The following INSL6 variants were observed in gnomAD, a reference collection of about 807,000 sequenced individuals.
INSL6 encodes insulin-like peptide INSL6.
Under a neutral mutation model 9.4 loss-of-function variants are expected in INSL6, and 16 were observed. The observed-to-expected ratio is 1.70, with a 90% CI of 1.15 to 2.59. The LOEUF (loss-of-function observed/expected upper bound fraction) is 2.59, where lower values mean the gene tolerates loss of function less well. Ranked by LOEUF, INSL6 falls within the 30% of genes most tolerant of loss-of-function variation. The pLI is 0.00. For missense variants in INSL6, 391 were observed against 257.3 expected, an observed-to-expected ratio of 1.52 and a Z score of -3.56; for synonymous variants, 154 against 96.9, an observed-to-expected ratio of 1.59 and a Z score of -3.46.
At chr9:5,081,062 A>G in the INSL6 span, among the ~76,000 whole-genome samples, 15 of 151,396 alleles carry the variant, frequency 9.9e-5, no homozygotes, top group African/African-American at 3.6e-4. Context: ...CACCCGGCTA[A>G]TTTTTTGTAT....
chr9:5,137,247 C>T (rs1012658895), intron 2 of INSL6, among the ~76,000 whole-genome samples: 6 of 152,144 alleles, frequency 3.9e-5, no homozygotes, highest in African/African-American at 7.2e-5. Flanking sequence ...TGACTTTCTT[C>T]ACAGAACTGG....
intron 2 of INSL6, among the ~76,000 whole-genome samples, chr9:5,151,481 G>C (rs1824712006): frequency 6.6e-6 from 1 of 151,360 alleles, no homozygotes; most frequent in Non-Finnish European, 1.5e-5. Context: ...AAAATGTATG[G>C]CACAAACACC....
the INSL6 span, among the ~76,000 whole-genome samples, chr9:5,039,762 C>T: frequency 6.6e-6 from 1 of 151,780 alleles, no homozygotes; most frequent in African/African-American, 2.4e-5. Context: ...TAGGAATAAA[C>T]TTAAAGAAGT....
intron 3 of INSL6, chr9:5,127,503 C>A (rs1243334153): frequency 4.3e-6 from 1 of 230,880 alleles, no homozygotes; most frequent in African/African-American, 2.2e-5. Context: ...AACAAGCTTA[C>A]AAAGATATAA....
chr9:5,010,025 G>T, the INSL6 span, among the ~76,000 whole-genome samples: 1 of 152,156 alleles, frequency 6.6e-6, no homozygotes, highest in African/African-American at 2.4e-5. Context: ...TCTCGCCTTG[G>T]ACTTCCAAAT....
At chr9:5,125,128 T>C (rs1224046951) in intron 3 of INSL6, among the ~76,000 whole-genome samples, 3 of 151,306 alleles carry the variant, frequency 2.0e-5, no homozygotes, top group African/African-American at 7.3e-5. Context: ...AAATCATCTC[T>C]AATGCAATTA....
chr9:5,124,366 C>T (rs764566504), exon 4 of INSL6, among the ~76,000 whole-genome samples: 6 of 151,394 alleles, frequency 4.0e-5, no homozygotes, highest in Non-Finnish European at 8.9e-5. Flanking sequence ...AGTCTGTAAT[C>T]GATCGAGTTA....
the INSL6 span, among the ~76,000 whole-genome samples, chr9:5,096,014 G>A: frequency 1.3e-5 from 2 of 152,110 alleles, no homozygotes; most frequent in South Asian, 2.1e-4. Flanking sequence ...CTGCCTGAAT[G>A]AGTCATCATT....
At chr9:5,141,811 G>A (rs1048125290) in intron 2 of INSL6, among the ~76,000 whole-genome samples, 4 of 152,142 alleles carry the variant, frequency 2.6e-5, no homozygotes, top group Non-Finnish European at 5.9e-5. Context: ...TGTCCTGAAC[G>A]GTATTGCCTA....
At chr9:5,040,023 A>G in the INSL6 span, among the ~76,000 whole-genome samples, 1 of 152,232 alleles carries the variant, frequency 6.6e-6, no homozygotes, top group East Asian at 1.9e-4. Flanking sequence ...GAAACAATAC[A>G]AAGTTTGAAG....
intron 2 of INSL6, among the ~76,000 whole-genome samples, chr9:5,139,969 G>C (rs1005195526): frequency 1.3e-5 from 2 of 152,044 alleles, no homozygotes; most frequent in South Asian, 2.1e-4. Context: ...GTTGAAAATA[G>C]ACTGAAATGT....
chr9:5,032,889 G>A, the INSL6 span, among the ~76,000 whole-genome samples: 55 of 152,326 alleles, frequency 3.6e-4, no homozygotes, highest in South Asian at 2.3e-3. Context: ...GAACAAAGCC[G>A]GATGGAGAAT....
At chr9:5,025,620 G>A in the INSL6 span, among the ~76,000 whole-genome samples, 1 of 149,622 alleles carries the variant, frequency 6.7e-6, no homozygotes, top group African/African-American at 2.5e-5. Flanking sequence ...TGCCACCTCC[G>A]CCTTCCAAGT....
At chr9:5,048,895 T>C in the INSL6 span, among the ~76,000 whole-genome samples, 1 of 152,318 alleles carries the variant, frequency 6.6e-6, no homozygotes, top group Non-Finnish European at 1.5e-5. Flanking sequence ...TTAGGTAATA[T>C]GGCTCTTACC....
chr9:5,032,776 T>C, the INSL6 span, among the ~76,000 whole-genome samples: 2 of 151,944 alleles, frequency 1.3e-5, no homozygotes, highest in African/African-American at 4.8e-5. Context: ...AAAAGGTAGA[T>C]AAAACCACAA....
the INSL6 span, among the ~76,000 whole-genome samples, chr9:5,062,187 G>C: frequency 3.3e-5 from 5 of 151,942 alleles, no homozygotes; most frequent in African/African-American, 1.2e-4. Flanking sequence ...TGCAAAACCT[G>C]CATATGTGTA....
chr9:5,097,253 C>T, the INSL6 span: 1 of 152,228 alleles, frequency 6.6e-6, no homozygotes, highest in Non-Finnish European at 1.5e-5. Flanking sequence ...TCCTTTCTCT[C>T]TCAGTCCTAG....
At chr9:5,069,211 A>G in the INSL6 span, 1 of 1,589,938 alleles carries the variant, frequency 6.3e-7, no homozygotes, top group East Asian at 2.2e-5. Context: ...GCCAAAAGGT[A>G]AGATAATTTT....
downstream of INSL6, among the ~76,000 whole-genome samples, chr9:5,120,051 AT>A (rs1015993517): frequency 6.6e-6 from 1 of 152,328 alleles, no homozygotes; most frequent in African/African-American, 2.4e-5. Context: ...ACAGAAATTT[AT>A]TTCTCACACT....
Sources: gnomAD v4.1 joint callset for allele counts (sites outside exome capture counted in the v4.1 genomes callset) on GRCh38, gnomAD v4.1.1 for gene constraint, MANE v1.5 for transcripts, NCBI Gene and HGNC (gene_info 2026-07-23, HGNC 2026-07-21) for gene names.